EBF2: variants seen among roughly 807,000 people sequenced by gnomAD.
The protein encoded by EBF2 is transcription factor COE2.
Under a neutral mutation model 72.8 loss-of-function variants are expected in EBF2, and 21 were observed. That is an observed-to-expected ratio of 0.29 (90% CI 0.20 to 0.42). EBF2 has a LOEUF of 0.42. Ranked by LOEUF, EBF2 falls within the 10% of genes least tolerant of loss-of-function variation. The pLI is 1.00. For missense variants in EBF2, 637 were observed against 731.2 expected (o/e 0.87, Z 1.49); for synonymous variants, 299 against 274.2 (o/e 1.09, Z -0.89).
intron 6 of EBF2, among the ~76,000 whole-genome samples, chr8:25,940,034 G>A (rs891616841): frequency 7.9e-5 from 12 of 152,130 alleles, no homozygotes; most frequent in African/African-American, 2.9e-4. Flanking sequence ...TGATATCTAA[G>A]CCCCTTCCAA....
In EBF2 at chr8:26,045,066, G is replaced by A; in HGVS notation, c.-207C>T. Reference sequence around the variant, plus strand: ...GCGGACTGATGTAGTCAAAGTTTGGGTTCTTATCCTCCGCAAGTTCAGATC... The same window carrying A: ...GCGGACTGATGTAGTCAAAGTTTGGATTCTTATCCTCCGCAAGTTCAGATC... On this transcript the variant is annotated 5_prime_UTR_variant, in exon 1 of 16. Transcript: ENST00000520164. 1.9e-6 allele frequency: 1 copy of A among 517,888 alleles called. No individual in the cohort carries two copies. The highest frequency in any genetic ancestry group is 3.4e-6 in the Non-Finnish European group (1 of 296,888). 32.1% of individuals were successfully genotyped at this position (517,888 alleles called of 1,614,324 possible).
intron 7 of EBF2, among the ~76,000 whole-genome samples, chr8:25,905,015 C>A (rs1421700537): frequency 6.6e-6 from 1 of 151,986 alleles, no homozygotes; most frequent in Admixed American, 6.5e-5. Context: ...ACAAATAATG[C>A]AACTAAAAAA....
intron 6 of EBF2, among the ~76,000 whole-genome samples, chr8:25,996,474 T>C (rs969037072): frequency 1.2e-4 from 18 of 151,770 alleles, no homozygotes; most frequent in African/African-American, 3.9e-4. Context: ...AAATCAGAAC[T>C]GCAAATTGAG....
intron 6 of EBF2, among the ~76,000 whole-genome samples, chr8:25,931,827 A>G (rs1188274572): frequency 6.6e-6 from 1 of 152,238 alleles, no homozygotes; most frequent in Non-Finnish European, 1.5e-5. Context: ...CATCGGCTAC[A>G]CAAACATACA....
At chr8:25,979,659 A>T (rs1554477703) in intron 6 of EBF2, among the ~76,000 whole-genome samples, 4 of 150,472 alleles carry the variant, frequency 2.7e-5, no homozygotes, top group Non-Finnish European at 4.4e-5. Context: ...TCTCTGTACA[A>T]TTTTTTTTTT....
chr8:26,029,680 G>C (rs916826522), intron 6 of EBF2, among the ~76,000 whole-genome samples: 1 of 152,204 alleles, frequency 6.6e-6, no homozygotes, highest in African/African-American at 2.4e-5. Flanking sequence ...GGTTAGGTGA[G>C]AAGGGGGAGG....
chr8:26,009,398 T>C (rs562459511), intron 6 of EBF2, among the ~76,000 whole-genome samples: 2 of 152,184 alleles, frequency 1.3e-5, no homozygotes, highest in Non-Finnish European at 1.5e-5. Flanking sequence ...ACAAGTCAGA[T>C]CACACATCAT....
At chr8:25,880,363 T>C (rs1045700625) in intron 10 of EBF2, among the ~76,000 whole-genome samples, 3 of 152,236 alleles carry the variant, frequency 2.0e-5, no homozygotes, top group Admixed American at 2.0e-4. Context: ...TCTTCTGAAA[T>C]GTCTACATTT....
At chr8:25,997,571 C>CAAAAA (rs11302993) in intron 6 of EBF2, among the ~76,000 whole-genome samples, 223 of 130,144 alleles carry the variant, frequency 1.7e-3, no homozygotes, top group African/African-American at 3.1e-3. Flanking sequence ...GATCCTATCT[C>CAAAAA]AAAAAAAAAA....
chr8:25,849,655 T>A (rs6995681), intron 15 of EBF2, among the ~76,000 whole-genome samples: 1 of 151,680 alleles, frequency 6.6e-6, no homozygotes, highest in African/African-American at 2.4e-5. Flanking sequence ...TTTTGCTGTC[T>A]GCTGCCCTCC....
chr8:25,854,611 T>C (rs1802046557), intron 14 of EBF2, among the ~76,000 whole-genome samples: 2 of 152,196 alleles, frequency 1.3e-5, no homozygotes, highest in African/African-American at 2.4e-5. Flanking sequence ...TTTTTACCTA[T>C]ACGTGCTTTT....
intron 5 of EBF2, among the ~76,000 whole-genome samples, chr8:26,035,470 C>T (rs1805485718): frequency 6.6e-6 from 1 of 152,128 alleles, no homozygotes; most frequent in South Asian, 2.1e-4. Flanking sequence ...CTCTGTGGCT[C>T]TCTGCAGCTC....
At chr8:26,041,054 A>C in intron 2 of EBF2, 52 bp from the exon 3 acceptor site, 1 of 1,600,392 alleles carries the variant, frequency 6.2e-7, no homozygotes, top group Non-Finnish European at 8.5e-7. Flanking sequence ...CCCCAAAATG[A>C]GGGAAAGAGG....
intron 6 of EBF2, among the ~76,000 whole-genome samples, chr8:25,911,277 T>C (rs1423551784): frequency 6.6e-6 from 1 of 152,160 alleles, no homozygotes; most frequent in African/African-American, 2.4e-5. Context: ...CAGGATGAAA[T>C]CTATTTCCAC....
intron 3 of EBF2, 22 bp from the exon 4 acceptor site, chr8:26,040,693 G>T: frequency 6.4e-7 from 1 of 1,553,238 alleles, no homozygotes; most frequent in East Asian, 2.4e-5. Flanking sequence ...GGAGGGGCAC[G>T]AGTCAAGGGC....
chr8:26,030,537 G>A (rs1805383628), intron 6 of EBF2, among the ~76,000 whole-genome samples: 2 of 151,586 alleles, frequency 1.3e-5, no homozygotes, highest in Non-Finnish European at 2.9e-5. Flanking sequence ...TAACAAACCT[G>A]CACGTTGTGC....
At position 26,044,891 on chromosome 8, in the gene EBF2, A is replaced by G. The variant is rs1563218505; in HGVS notation, c.-32T>C. On this transcript the variant is annotated 5_prime_UTR_variant, in exon 1 of 16. Transcript: ENST00000520164. This position sits in a 1 kb window ranked among gnomAD's most constrained non-coding sequence, Gnocchi z 4.1. ...AGTCTGATCCTCTACTGTCGCTTTA[A>G]AAGTAAGAGTTACAACACAGTCCTG... The G allele has an allele frequency of 6.2e-7, 1 of 1,611,174 alleles. No homozygotes were observed. The highest frequency in any genetic ancestry group is 8.5e-7 in the Non-Finnish European group (1 of 1,178,208).
chr8:25,939,653 A>G (rs1803636878), intron 6 of EBF2, among the ~76,000 whole-genome samples: 2 of 152,236 alleles, frequency 1.3e-5, no homozygotes, highest in African/African-American at 4.8e-5. Context: ...TCAAACCCCT[A>G]CAGCTCCAAG....
chr8:26,019,656 G>A (rs1344527731), intron 6 of EBF2, among the ~76,000 whole-genome samples: 5 of 152,104 alleles, frequency 3.3e-5, no homozygotes, highest in Admixed American at 3.3e-4. Flanking sequence ...TGACATCACA[G>A]GTCAGCCTGG....
Sources: gnomAD v4.1 joint callset for allele counts (sites outside exome capture counted in the v4.1 genomes callset) on GRCh38, gnomAD v4.1.1 for gene constraint, Gnocchi (gnomAD v3.1) non-coding constraint, MANE v1.5 for transcripts, NCBI Gene and HGNC (gene_info 2026-07-23, HGNC 2026-07-21) for gene names.